AFF1: variants seen among roughly 807,000 people sequenced by gnomAD.
AFF1 encodes the protein ALF transcription elongation factor 1, also known as AF4/FMR2 family member 1.
AFF1 carries 48 observed loss-of-function variants against 121.7 expected under a neutral mutation model. The observed-to-expected ratio is 0.39, with a 90% CI of 0.31 to 0.50. The LOEUF (loss-of-function observed/expected upper bound fraction) is 0.50, where lower values mean the gene tolerates loss of function less well. Among genes scored for constraint, AFF1 ranks in the 20% least tolerant of loss-of-function variants. The pLI is 0.76. For missense variants in AFF1, 1,523 were observed against 1,511.7 expected (o/e 1.01, Z -0.12); for synonymous variants, 613 against 563.0 (o/e 1.09, Z -1.26).
chr4:87,046,991 T>A lies in AFF1; in HGVS notation c.456T>A (p.Ser152Arg), dbSNP rs764109987. 7 of 1,613,910 alleles carry A rather than the reference T, an allele frequency of 4.3e-6. No individual in the cohort carries two copies. The highest frequency in any genetic ancestry group is 5.9e-6 in the Non-Finnish European group (7 of 1,179,998). ...MAQPRTEPMP[S>R]LHAKSCGPPD... ...AGCCAAGAACTGAACCAATGCCAAG[T>A]CTCCATGCCAAAAGCTGCGGCCCAC... The change falls in exon 4 of 21, where the codon AGT (serine) becomes AGA (arginine). Residue 152 changes from serine to arginine, a missense_variant. Physicochemically the swap from Ser to Arg is moderately radical, Grantham distance 110. Around this residue, in one of 5 missense-constraint regions of AFF1, gnomAD observed 369 missense variants for 367.2 expected, o/e 1.00. Transcript: ENST00000395146.
chr4:87,126,082 G>A lies in AFF1; in HGVS notation c.2574-17G>A, dbSNP rs746193076. 9.3e-6 allele frequency: 15 copies of A among 1,611,516 alleles called. No individual in the cohort carries two copies. The highest frequency in any genetic ancestry group is 1.3e-5 in the African/African-American group (1 of 74,930). ...GTACTTTGCCTCCTCTTAGTTTTAC[G>A]TGATGTTTCACTCCAGGCCCTCCAG... On this transcript the variant is annotated splice_polypyrimidine_tract_variant and intron_variant, in intron 13 of 20. Coordinates refer to ENST00000395146, the MANE Select transcript of AFF1 (RefSeq NM_001166693.3).
intron 2 of AFF1, chr4:86,949,537 A>ATTATTTTTTTTTTTTTTTTTT (rs57335156): frequency 1.6e-5 from 4 of 244,120 alleles, no homozygotes; most frequent in Non-Finnish European, 2.7e-5. Flanking sequence ...TATTATTATT[A>ATTATTTTTTTTTTTTTTTTTT]TTTTTTTTTT....
Position 87,090,087 on chromosome 4 carries a change from A to C in AFF1, c.1191+17A>C, listed in dbSNP as rs774842886. Reference sequence around the variant, plus strand: ...CCTACAAAGGTAATTCCTTAAAAGTATGGCAGGCATTGCATCCACCTTAGT... The same window carrying C: ...CCTACAAAGGTAATTCCTTAAAAGTCTGGCAGGCATTGCATCCACCTTAGT... On this transcript the variant is annotated intron_variant, in intron 6 of 20. Coordinates refer to ENST00000395146, the MANE Select transcript of AFF1 (RefSeq NM_001166693.3). The C allele has an allele frequency of 6.3e-7, 1 of 1,594,402 alleles. No homozygotes were observed. The highest frequency in any genetic ancestry group is 1.1e-5 in the South Asian group (1 of 90,648).
chr4:86,950,044 G>A, intron 2 of AFF1: 2 of 1,614,140 alleles, frequency 1.2e-6, no homozygotes, highest in Admixed American at 1.7e-5. Context: ...GGGGAGTGTA[G>A]AGAGGGTGAT....
intron 2 of AFF1, among the ~76,000 whole-genome samples, chr4:87,040,810 C>A (rs556654068): frequency 6.7e-6 from 1 of 148,826 alleles, no homozygotes; most frequent in Non-Finnish European, 1.5e-5. Flanking sequence ...CAACCTCAGG[C>A]GATCCACCCT....
At chr4:87,095,850 G>A (rs1294342632) in intron 8 of AFF1, among the ~76,000 whole-genome samples, 1 of 152,050 alleles carries the variant, frequency 6.6e-6, no homozygotes, top group East Asian at 1.9e-4. Context: ...GGGACTAAGT[G>A]AGGAGGCCTT....
intron 11 of AFF1, among the ~76,000 whole-genome samples, chr4:87,111,418 A>G (rs1444459876): frequency 6.6e-6 from 1 of 150,932 alleles, no homozygotes; most frequent in Non-Finnish European, 1.5e-5. Flanking sequence ...CAGTGGTGTG[A>G]TCTCGGCTCA....
intron 13 of AFF1, 81 bp downstream of exon 13, chr4:87,125,224 C>A: frequency 9.9e-7 from 1 of 1,007,210 alleles, no homozygotes; most frequent in South Asian, 2.2e-5. Flanking sequence ...AATTTTTCTT[C>A]TGCACTAGAA....
chr4:87,127,027 G>T lies in AFF1; in HGVS notation c.2813G>T (p.Gly938Val), dbSNP rs145558007. The stretch of plus-strand genomic sequence containing the variant: ...TGTATATTGATTTTTTTTTTGAAGG[G>T]TTCTTCCGGAGATACTGCAAATCCT... ...KGSRSSSEHKGSSGDTANPFP... is the reference protein window; with the variant it reads ...KGSRSSSEHKVSSGDTANPFP... The change falls in exon 15 of 21, where the codon GGT becomes GTT. Residue 938 changes from glycine (G) to valine (V), a missense_variant and splice_region_variant. Gly to Val is a moderately radical substitution (Grantham distance 109). Around this residue, in one of 5 missense-constraint regions of AFF1, gnomAD observed 905 missense variants for 842.5 expected, o/e 1.07. Transcript: ENST00000395146. The T allele has an allele frequency of 9.3e-6, 15 of 1,611,348 alleles. No homozygotes were observed. Among genetic ancestry groups the T allele is most frequent in the Middle Eastern group, 1.7e-4 (1 of 6,040 alleles).
At chr4:87,040,650 A>C (rs1449427931) in intron 2 of AFF1, among the ~76,000 whole-genome samples, 2 of 149,290 alleles carry the variant, frequency 1.3e-5, no homozygotes, top group Non-Finnish European at 3.0e-5. Flanking sequence ...CACAGCAACA[A>C]CCTCTGCCTT....
chr4:86,949,866 C>A (rs1721173241), intron 2 of AFF1: 2 of 1,613,974 alleles, frequency 1.2e-6, no homozygotes. Context: ...GGGCAGGACA[C>A]CAGCAGGAAG....
intron 1 of AFF1, chr4:86,936,141 T>A (rs959698269): frequency 6.6e-6 from 1 of 152,052 alleles, no homozygotes; most frequent in Non-Finnish European, 1.5e-5. Flanking sequence ...GCTTTGGAGG[T>A]GGAGATGTGT....
chr4:87,115,302 G>A lies in AFF1; in HGVS notation c.2466+3G>A. The A allele has an allele frequency of 6.3e-7, 1 of 1,579,760 alleles. No individual in the cohort carries two copies. The highest frequency in any genetic ancestry group is 8.6e-7 in the Non-Finnish European group (1 of 1,162,972). ...GCAAGTTGGCCAAAAAGAGAAAGGT[G>A]AGTGTGGGGAGACTGCCCTGACTCC... On this transcript the variant is annotated splice_donor_region_variant and intron_variant, in intron 12 of 20. Transcript: ENST00000395146.
At chr4:86,988,627 T>C (rs562821302) in intron 2 of AFF1, among the ~76,000 whole-genome samples, 89 of 152,320 alleles carry the variant, frequency 5.8e-4, no homozygotes, top group African/African-American at 2.0e-3. Flanking sequence ...CAAAGTAATT[T>C]ATAGATTCAA....
In AFF1 at chr4:86,968,850, G is replaced by C. The variant is rs988260175; in HGVS notation, c.38+20279G>C. On this transcript the variant is annotated intron_variant, in intron 2 of 20. Coordinates refer to ENST00000395146, the MANE Select transcript of AFF1 (RefSeq NM_001166693.3). ...AGGTGTCACTTTTCTCAGCCCATGTGGGGGGTTGGTGCTGGGTTGGGATAA... is the reference window on the plus strand; with the variant it reads ...AGGTGTCACTTTTCTCAGCCCATGTCGGGGGTTGGTGCTGGGTTGGGATAA... 7.2e-5 allele frequency among the ~76,000 whole-genome samples: 11 copies of C among 152,300 alleles called. 1 individual carries two copies. Among genetic ancestry groups the C allele is most frequent in the South Asian group, 6.2e-4 (3 of 4,828 alleles).
intron 2 of AFF1, among the ~76,000 whole-genome samples, chr4:86,996,777 C>T (rs570715181): frequency 3.9e-5 from 6 of 152,264 alleles, no homozygotes; most frequent in East Asian, 1.9e-4. Flanking sequence ...AACTTAAACC[C>T]GATGTGGCAG....
At chr4:87,020,588 G>T (rs1303219552) in intron 2 of AFF1, among the ~76,000 whole-genome samples, 1 of 152,114 alleles carries the variant, frequency 6.6e-6, no homozygotes, top group Non-Finnish European at 1.5e-5. Context: ...GGGTTCAAGG[G>T]ATTCTCCTGC....
At chr4:87,112,309 A>G (rs1398687095) in intron 11 of AFF1, among the ~76,000 whole-genome samples, 2 of 152,204 alleles carry the variant, frequency 1.3e-5, no homozygotes, top group African/African-American at 4.8e-5. Context: ...CTGCCACATA[A>G]TAGTGGTTTC....
At chr4:87,059,515 T>G (rs1256490467) in intron 4 of AFF1, among the ~76,000 whole-genome samples, 2 of 152,230 alleles carry the variant, frequency 1.3e-5, no homozygotes, top group Non-Finnish European at 2.9e-5. Context: ...TTCTAACCTC[T>G]CATCTTGCTG....
Sources: allele counts gnomAD v4.1 joint callset (sites outside exome capture counted in the v4.1 genomes callset), GRCh38; gene constraint gnomAD v4.1.1; regional missense constraint gnomAD v4.1.1; transcripts MANE v1.5; gene names NCBI Gene and HGNC (gene_info 2026-07-23, HGNC 2026-07-21).